The following NAV2 variants were observed in gnomAD, a reference collection of about 807,000 sequenced individuals.
NAV2 encodes helicase, APC down-regulated 1.
In NAV2, 54 loss-of-function variants were observed where a neutral mutation model predicts 223.2. The observed-to-expected ratio is 0.24, with a 90% CI of 0.19 to 0.30. NAV2 has a LOEUF of 0.30. NAV2 is among the 10% of genes least tolerant of loss of function. The probability of loss-of-function intolerance (pLI) is 1.00; values close to 1 mark genes in which losing one functional copy is unlikely to be tolerated. For synonymous variants in NAV2, 1,279 were observed against 1,239.3 expected, an observed-to-expected ratio of 1.03 and a Z score of -0.67; for missense variants, 2,806 against 3,147.5, an observed-to-expected ratio of 0.89 and a Z score of 2.60.
At chr11:20,014,591 CA>C (rs1451864158) in intron 11 of NAV2, among the ~76,000 whole-genome samples, 1 of 152,030 alleles carries the variant, frequency 6.6e-6, no homozygotes, top group Admixed American at 6.6e-5. Context: ...CCTGCCTCTA[CA>C]AAAAATTTTA....
intron 4 of NAV2, among the ~76,000 whole-genome samples, chr11:19,876,904 T>C (rs1591020886): frequency 6.7e-6 from 1 of 148,884 alleles, no homozygotes. Context: ...TATTTATTTA[T>C]TTTATAAAAT....
At chr11:19,471,330 G>A (rs1381212289) in intron 1 of NAV2, among the ~76,000 whole-genome samples, 1 of 152,166 alleles carries the variant, frequency 6.6e-6, no homozygotes, top group Admixed American at 6.5e-5. Flanking sequence ...AGGTGGTTGA[G>A]GTGAGAACAC....
chr11:19,427,527 C>G (rs546810053), intron 1 of NAV2, among the ~76,000 whole-genome samples: 10 of 152,290 alleles, frequency 6.6e-5, no homozygotes, highest in South Asian at 6.2e-4. Context: ...AGGTAGAAAA[C>G]TCCCAAGGGA....
At chr11:19,482,738 C>T (rs2042318489) in intron 1 of NAV2, among the ~76,000 whole-genome samples, 2 of 152,298 alleles carry the variant, frequency 1.3e-5, no homozygotes, top group South Asian at 2.1e-4. Flanking sequence ...ATATCAGGAC[C>T]ACCTGAGCAA....
At chr11:19,588,502 G>A (rs545262792) in intron 1 of NAV2, among the ~76,000 whole-genome samples, 1 of 152,152 alleles carries the variant, frequency 6.6e-6, no homozygotes, top group African/African-American at 2.4e-5. Context: ...TCTGCCATAG[G>A]CAGAGAAAAG....
intron 1 of NAV2, among the ~76,000 whole-genome samples, chr11:19,362,408 A>G (rs1248042568): frequency 3.3e-5 from 5 of 152,180 alleles, no homozygotes; most frequent in South Asian, 2.1e-4. Context: ...GGTAATATCA[A>G]TGAGATCTTG....
chr11:19,831,699 T>C (rs565476673), intron 1 of NAV2, among the ~76,000 whole-genome samples: 7 of 152,324 alleles, frequency 4.6e-5, no homozygotes, highest in East Asian at 3.9e-4. Context: ...GAAAATATTC[T>C]TCTTTCCTGA....
chr11:19,985,682 T>C (rs2050732558), intron 11 of NAV2, among the ~76,000 whole-genome samples: 2 of 152,116 alleles, frequency 1.3e-5, no homozygotes, highest in African/African-American at 2.4e-5. Flanking sequence ...GTTCAAGCAA[T>C]TCTCCTGCCT....
At chr11:19,384,017 A>G (rs1848942916) in intron 1 of NAV2, among the ~76,000 whole-genome samples, 1 of 152,244 alleles carries the variant, frequency 6.6e-6, no homozygotes, top group South Asian at 2.1e-4. Flanking sequence ...TAAATAAACC[A>G]TGGTGCATCT....
At chr11:19,609,990 A>G (rs1030675386) in intron 1 of NAV2, among the ~76,000 whole-genome samples, 6 of 152,232 alleles carry the variant, frequency 3.9e-5, no homozygotes, top group Non-Finnish European at 7.3e-5. Context: ...GTATAATCCC[A>G]ATTTTACAAT....
chr11:19,495,970 T>C (rs2042781491), intron 1 of NAV2, among the ~76,000 whole-genome samples: 1 of 152,044 alleles, frequency 6.6e-6, no homozygotes, highest in Non-Finnish European at 1.5e-5. Context: ...AATGTTGGAT[T>C]TGGGGATCAC....
intron 6 of NAV2, among the ~76,000 whole-genome samples, chr11:19,925,658 G>T (rs940340982): frequency 1.3e-5 from 2 of 151,162 alleles, no homozygotes; most frequent in Non-Finnish European, 1.5e-5. Context: ...TGAGGCAAGA[G>T]AATTGCTTGA....
intron 1 of NAV2, among the ~76,000 whole-genome samples, chr11:19,437,795 T>A (rs1851265982): frequency 6.6e-6 from 1 of 152,200 alleles, no homozygotes; most frequent in Non-Finnish European, 1.5e-5. Flanking sequence ...TTTCTTATAC[T>A]TAACTAGACA....
intron 1 of NAV2, among the ~76,000 whole-genome samples, chr11:19,678,207 G>A (rs1387651301): frequency 2.0e-5 from 3 of 152,206 alleles, no homozygotes; most frequent in East Asian, 3.8e-4. Flanking sequence ...TAACTTTTGT[G>A]ATTGTGTGCC....
intron 17 of NAV2, among the ~76,000 whole-genome samples, chr11:20,051,898 A>G (rs1017606038): frequency 2.0e-5 from 3 of 152,146 alleles, no homozygotes; most frequent in Non-Finnish European, 4.4e-5. Flanking sequence ...TTTGGTGGAT[A>G]ATAAAGAAAA....
chr11:19,908,273 T>C (rs2043034824), intron 6 of NAV2, among the ~76,000 whole-genome samples: 1 of 152,096 alleles, frequency 6.6e-6, no homozygotes, highest in African/African-American at 2.4e-5. Flanking sequence ...GCTTTTGAGG[T>C]CCAGGGTGGG....
intron 1 of NAV2, among the ~76,000 whole-genome samples, chr11:19,357,243 G>C (rs1253985890): frequency 1.3e-5 from 2 of 152,052 alleles, no homozygotes; most frequent in African/African-American, 4.8e-5. Context: ...TTATCCTATT[G>C]GTCTGTACTG....
At chr11:19,372,171 T>A (rs1848493392) in intron 1 of NAV2, among the ~76,000 whole-genome samples, 1 of 152,214 alleles carries the variant, frequency 6.6e-6, no homozygotes, top group Non-Finnish European at 1.5e-5. Flanking sequence ...ACTAAAGGCA[T>A]CATGTTTCTC....
At chr11:19,801,664 C>A (rs995752758) in intron 1 of NAV2, among the ~76,000 whole-genome samples, 9 of 152,202 alleles carry the variant, frequency 5.9e-5, no homozygotes, top group African/African-American at 1.9e-4. Flanking sequence ...GAGCTGGAAT[C>A]TGCCCCCATC....
Sources: gnomAD v4.1 joint callset for allele counts (sites outside exome capture counted in the v4.1 genomes callset) on GRCh38, gnomAD v4.1.1 for gene constraint, MANE v1.5 for transcripts, NCBI Gene and HGNC (gene_info 2026-07-23, HGNC 2026-07-21) for gene names.